The following ATRNL1 variants were observed in gnomAD, a reference collection of about 807,000 sequenced individuals.
The protein encoded by ATRNL1 is attractin like 1, also known as attractin-like protein 1.
Under a neutral mutation model 182.7 loss-of-function variants are expected in ATRNL1, and 95 were observed. That is an observed-to-expected ratio of 0.52 (90% CI 0.44 to 0.62). ATRNL1 has a LOEUF of 0.62. ATRNL1 is among the 20% of genes least tolerant of loss of function. The pLI is 0.00. For synonymous variants in ATRNL1, 576 were observed against 568.3 expected, an observed-to-expected ratio of 1.01 and a Z score of -0.19; for missense variants, 1,471 against 1,679.5, an observed-to-expected ratio of 0.88 and a Z score of 2.17.
chr10:115,574,751 C>T (rs1398363726), intron 26 of ATRNL1, among the ~76,000 whole-genome samples: 2 of 152,100 alleles, frequency 1.3e-5, no homozygotes, highest in African/African-American at 4.8e-5. Flanking sequence ...TTTGCTCAGC[C>T]CTGTTATTGA....
At chr10:115,933,874 C>A (rs1270671865) in intron 28 of ATRNL1, among the ~76,000 whole-genome samples, 3 of 152,128 alleles carry the variant, frequency 2.0e-5, no homozygotes, top group Non-Finnish European at 4.4e-5. Context: ...GGTCTTCTCC[C>A]TTTCTTACTC....
intron 19 of ATRNL1, among the ~76,000 whole-genome samples, chr10:115,336,446 G>C (rs61160613): frequency 1.3e-5 from 2 of 152,140 alleles, no homozygotes; most frequent in African/African-American, 4.8e-5. Flanking sequence ...AAGTGTTTCA[G>C]TACTGAATTT....
rs914960878 is a variant in ATRNL1, at chr10:115,129,617, G to C, written c.829+82G>C. 1.4e-5 allele frequency: 17 copies of C among 1,179,730 alleles called. No homozygotes were observed. In the African/African-American group the frequency reaches 2.6e-4, roughly 18 times the overall value. 73.1% of individuals were successfully genotyped at this position (1,179,730 alleles called of 1,614,324 possible). A position where few individuals can be genotyped will look rare whatever the true frequency, so the allele number is the denominator to read the frequency against. On this transcript the variant is annotated intron_variant, in intron 5 of 28. Coordinates refer to ENST00000355044, the MANE Select transcript of ATRNL1 (RefSeq NM_207303.4). ...AATACAAATTCCACACGTTTGTTTC[G>C]TTATAGTTTGCACACCCAAGCCTTA... is the stretch of plus-strand genomic sequence containing the variant.
chr10:115,783,545 C>T (rs374852662), intron 27 of ATRNL1, among the ~76,000 whole-genome samples: 163 of 152,006 alleles, frequency 1.1e-3, no homozygotes, highest in Non-Finnish European at 2.0e-3. Context: ...TGTTAAAATA[C>T]GTATAAATTG....
chr10:115,155,429 C>T (rs1846465936), intron 5 of ATRNL1, among the ~76,000 whole-genome samples: 1 of 151,720 alleles, frequency 6.6e-6, no homozygotes, highest in Admixed American at 6.6e-5. Flanking sequence ...AAATATTAAG[C>T]ATTTTACTTA....
At chr10:115,688,491 A>G (rs1555047043) in intron 26 of ATRNL1, among the ~76,000 whole-genome samples, 1 of 152,032 alleles carries the variant, frequency 6.6e-6, no homozygotes, top group Non-Finnish European at 1.5e-5. Context: ...TGGTCTTTTT[A>G]GTAATAGCCA....
intron 5 of ATRNL1, among the ~76,000 whole-genome samples, chr10:115,157,572 C>A (rs1396664246): frequency 1.3e-5 from 2 of 152,050 alleles, no homozygotes; most frequent in African/African-American, 2.4e-5. Context: ...CTTGCCTGTT[C>A]CTCTATCTTC....
intron 19 of ATRNL1, among the ~76,000 whole-genome samples, chr10:115,392,405 C>T (rs1343487798): frequency 6.6e-6 from 1 of 152,024 alleles, no homozygotes; most frequent in African/African-American, 2.4e-5. Context: ...TAAGGAACTC[C>T]TGAGAATTTA....
At chr10:115,121,366 T>A (rs1268003958) in intron 2 of ATRNL1, among the ~76,000 whole-genome samples, 4 of 152,224 alleles carry the variant, frequency 2.6e-5, no homozygotes, top group African/African-American at 9.6e-5. Flanking sequence ...TGCTTTGGCC[T>A]CCCAAAGTGC....
intron 28 of ATRNL1, among the ~76,000 whole-genome samples, chr10:115,898,475 T>TCTACTGTGTGCCTGGCAGTG (rs1360491165): frequency 6.6e-5 from 10 of 152,138 alleles, no homozygotes; most frequent in Admixed American, 4.6e-4. Flanking sequence ...TACCCCATGC[T>TCTACTGTGTGCCTGGCAGTG]CTACTGTGTG....
intron 8 of ATRNL1, among the ~76,000 whole-genome samples, chr10:115,194,111 C>T (rs1554890491): frequency 6.6e-6 from 1 of 151,832 alleles, no homozygotes; most frequent in Non-Finnish European, 1.5e-5. Context: ...TGTTTTGTGT[C>T]CTAATGAATT....
chr10:115,842,699 TGAGA>T (rs1555097513), intron 27 of ATRNL1, among the ~76,000 whole-genome samples: 1 of 151,932 alleles, frequency 6.6e-6, no homozygotes, highest in East Asian at 1.9e-4. Context: ...GCTGACAGAA[TGAGA>T]GACTCCTTAG....
chr10:115,170,772 C>A (rs1316816026), intron 7 of ATRNL1, among the ~76,000 whole-genome samples: 2 of 151,946 alleles, frequency 1.3e-5, no homozygotes, highest in African/African-American at 4.8e-5. Flanking sequence ...TAAAAGTATA[C>A]TTAATTGACT....
chr10:115,644,021 T>C (rs144865220), intron 26 of ATRNL1, among the ~76,000 whole-genome samples: 25 of 152,274 alleles, frequency 1.6e-4, no homozygotes, highest in Admixed American at 1.6e-3. Flanking sequence ...TGAACGTTTG[T>C]AGTGGCTTTA....
At chr10:115,496,874 G>A (rs1554978456) in intron 24 of ATRNL1, among the ~76,000 whole-genome samples, 1 of 151,932 alleles carries the variant, frequency 6.6e-6, no homozygotes, top group Non-Finnish European at 1.5e-5. Context: ...ATAGTCTTAG[G>A]GATGGTCTTC....
chr10:115,479,026 A>G (rs1554973635), intron 24 of ATRNL1, among the ~76,000 whole-genome samples: 1 of 151,612 alleles, frequency 6.6e-6, no homozygotes, highest in African/African-American at 2.4e-5. Context: ...GGGTAAAGAC[A>G]GTGATAATAA....
chr10:115,345,528 T>A (rs782443950), intron 19 of ATRNL1, among the ~76,000 whole-genome samples: 3 of 152,182 alleles, frequency 2.0e-5, no homozygotes, highest in Non-Finnish European at 4.4e-5. Context: ...ATCACTTCAG[T>A]GCCTCTTTCA....
At chr10:115,734,087 CATTT>C (rs1947879448) in intron 27 of ATRNL1, among the ~76,000 whole-genome samples, 1 of 151,956 alleles carries the variant, frequency 6.6e-6, no homozygotes, top group Non-Finnish European at 1.5e-5. Flanking sequence ...GGTATATCAT[CATTT>C]ATTTGCCTAT....
intron 27 of ATRNL1, among the ~76,000 whole-genome samples, chr10:115,745,478 C>A (rs1177324621): frequency 6.6e-6 from 1 of 152,058 alleles, no homozygotes; most frequent in Non-Finnish European, 1.5e-5. Flanking sequence ...TTATTTCTCT[C>A]AGGTAAAAAG....
Sources: allele counts gnomAD v4.1 joint callset (sites outside exome capture counted in the v4.1 genomes callset), GRCh38; gene constraint gnomAD v4.1.1; transcripts MANE v1.5; gene names NCBI Gene and HGNC (gene_info 2026-07-23, HGNC 2026-07-21).